HHATL: variants seen among roughly 807,000 people sequenced by gnomAD.
HHATL encodes the protein hedgehog acyltransferase like, also known as protein-cysteine N-palmitoyltransferase HHAT-like protein.
HHATL carries 49 observed loss-of-function variants against 59.7 expected under a neutral mutation model. That is an observed-to-expected ratio of 0.82 (90% CI 0.65 to 1.04). The LOEUF (loss-of-function observed/expected upper bound fraction) is 1.04. Ranked by LOEUF, HHATL falls within the 50% of genes least tolerant of loss-of-function variation. The pLI, the probability that HHATL is intolerant of heterozygous loss-of-function variation, is 0.00. For synonymous variants in HHATL, 238 were observed against 257.3 expected (o/e 0.93, Z 0.72); for missense variants, 605 against 650.8 (o/e 0.93, Z 0.77).
At position 42,696,856 on chromosome 3, in the gene HHATL, G is replaced by T. The variant is rs555576124; in HGVS notation, c.1032C>A (p.Asn344Lys). Residue 344 changes from asparagine (N) to lysine (K), a missense_variant, in exon 9 of 12, where the codon AAC (asparagine) becomes AAA (lysine). Asn to Lys is a moderately conservative substitution (Grantham distance 94). Transcript: ENST00000441594. ...CTCCTACTCACTTGCAAAGCCAGTC[G>T]TTGATGCCACGGTCAAAGTGCCTGT... ...FAETHFDRGI[N>K]DWLCKYVYNH... 6.2e-7 allele frequency: 1 copy of T among 1,614,102 alleles called. No homozygotes were observed. Among genetic ancestry groups the T allele is most frequent in the Non-Finnish European group, 8.5e-7 (1 of 1,179,998 alleles).
At chr3:42,694,671 T>A (rs1697524690) in intron 9 of HHATL, among the ~76,000 whole-genome samples, 2 of 152,216 alleles carry the variant, frequency 1.3e-5, no homozygotes, top group African/African-American at 4.8e-5. Flanking sequence ...TGGCCTTTCT[T>A]ACCTTTACAC....
At chr3:42,700,953 C>T in intron 1 of HHATL, 114 bp from the exon 2 acceptor site, 1 of 666,266 alleles carries the variant, frequency 1.5e-6, no homozygotes, top group Non-Finnish European at 2.7e-6. Flanking sequence ...CCCTCCAGCC[C>T]CTTGGGGACC....
intron 3 of HHATL, among the ~76,000 whole-genome samples, 177 bp downstream of exon 3, chr3:42,699,581 G>A (rs1183082482): frequency 6.6e-6 from 1 of 152,210 alleles, no homozygotes; most frequent in Non-Finnish European, 1.5e-5. Context: ...CAGGGCCCGG[G>A]CAAACTTGAT....
At chr3:42,699,214 C>T (rs1417451420) in intron 3 of HHATL, 69 bp from the exon 4 acceptor site, 1 of 1,076,134 alleles carries the variant, frequency 9.3e-7, no homozygotes. Context: ...CGAGCTGGAA[C>T]CTGGGCTGGT....
chr3:42,700,941 G>A lies in HHATL; in HGVS notation c.-13-102C>T. On this transcript the variant is annotated intron_variant, in intron 1 of 11. Coordinates refer to ENST00000441594, the MANE Select transcript of HHATL (RefSeq NM_020707.4). Reference sequence around the variant, plus strand: ...TGGGGACCCACTCTGAAGAGAGATTGCCCCTCCAGCCCCTTGGGGACCTTG... The same window carrying A: ...TGGGGACCCACTCTGAAGAGAGATTACCCCTCCAGCCCCTTGGGGACCTTG... The A allele has an allele frequency of 8.5e-6, 6 of 705,788 alleles. No homozygotes were observed. In the Admixed American group the frequency reaches 1.2e-4, roughly 14 times the overall value. The allele number at this position is 705,788 out of a possible 1,614,324, so 43.7% of individuals were successfully genotyped here. A position where few individuals can be genotyped will look rare whatever the true frequency, so the allele number is the denominator to read the frequency against.
At position 42,693,836 on chromosome 3, in the gene HHATL, G is replaced by A. The variant is rs373061828; in HGVS notation, c.1047-18C>T. The A allele has an allele frequency of 1.2e-5, 19 of 1,603,528 alleles. No individual in the cohort carries two copies. In the African/African-American group the frequency reaches 2.0e-4, roughly 17 times the overall value. On this transcript the variant is annotated intron_variant, in intron 9 of 11. Coordinates refer to ENST00000441594, the MANE Select transcript of HHATL (RefSeq NM_020707.4). ...ACACATATCTGCAGGAAAGATGGGA[G>A]AAGGGCCACTGGGAGTGTGGGAAAG...
At chr3:42,693,257 G>C in intron 10 of HHATL, 39 bp from the exon 11 acceptor site, 2 of 1,608,786 alleles carry the variant, frequency 1.2e-6, no homozygotes, top group Non-Finnish European at 1.7e-6. Context: ...GGGACAAGAG[G>C]CCAAAGGAAA....
Position 42,698,790 on chromosome 3 carries a change from A to G in HHATL, c.401T>C (p.Leu134Pro). The change falls in exon 5 of 12, where the codon CTT (leucine) becomes CCT (proline). Residue 134 changes from leucine to proline, a missense_variant. Transcript: ENST00000441594. Reference sequence around the variant, plus strand: ...AAGACAGAGCCAGGGCTGGCCCAAAAGCGAGGCCACATAGAGGCCCACACA... The same window carrying G: ...AAGACAGAGCCAGGGCTGGCCCAAAGGCGAGGCCACATAGAGGCCCACACA... ...GHCVGLYVAS[L>P]LGQPWLCLGL... is the part of the protein sequence containing the mutation. 6.2e-7 allele frequency: 1 copy of G among 1,613,160 alleles called. No individual in the cohort carries two copies. The highest frequency in any genetic ancestry group is 8.5e-7 in the Non-Finnish European group (1 of 1,179,726).
chr3:42,702,401 C>T (rs942322280), intron 1 of HHATL, among the ~76,000 whole-genome samples, 178 bp downstream of exon 1: 1 of 152,222 alleles, frequency 6.6e-6, no homozygotes, highest in South Asian at 2.1e-4. Context: ...TCCTGATAGA[C>T]CCCCAGACCA....
In HHATL at chr3:42,699,103, G is replaced by A. The variant is rs202051255; in HGVS notation, c.217C>T (p.Arg73Cys). ...FEWVMWFTSFRNVIIFALSGH... is the reference protein window; with the variant it reads ...FEWVMWFTSFCNVIIFALSGH... ...GAGAGGGCAAAGATGATGACGTTGC[G>A]AAAGGAGGTGAACCACATCACCCAC... Residue 73 changes from arginine (R) to cysteine (C), a missense_variant, in exon 4 of 12, where the codon CGC (arginine) becomes TGC (cysteine). Transcript: ENST00000441594. 8.3e-5 allele frequency: 134 copies of A among 1,614,062 alleles called. No individual in the cohort carries two copies. The highest frequency in any genetic ancestry group is 9.5e-5 in the Non-Finnish European group (112 of 1,179,984).
At position 42,697,440 on chromosome 3, in the gene HHATL, G is replaced by A. The variant is rs146631724; in HGVS notation, c.865+68C>T. The A allele has an allele frequency of 1.6e-3, 2,446 of 1,525,464 alleles. 33 individuals are homozygous for A. The African/African-American group carries it at 0.027, about 17-fold the overall frequency. The allele number at this position is 1,525,464 out of a possible 1,614,324, so 94.5% of individuals were successfully genotyped here. A position where few individuals can be genotyped will look rare whatever the true frequency, so the allele number is the denominator to read the frequency against. On this transcript the variant is annotated intron_variant, in intron 7 of 11. Coordinates refer to ENST00000441594, the MANE Select transcript of HHATL (RefSeq NM_020707.4). ...CCTCAGCTCCCCTGACTGTGGCACCGTGGGGGTGCAGAGGGTCTGTTTTCC... is the reference window on the plus strand; with the variant it reads ...CCTCAGCTCCCCTGACTGTGGCACCATGGGGGTGCAGAGGGTCTGTTTTCC...
At position 42,693,223 on chromosome 3, in the gene HHATL, C is replaced by G; in HGVS notation, c.1249-5G>C. The G allele has an allele frequency of 6.2e-7, 1 of 1,613,918 alleles. No homozygotes were observed. Among genetic ancestry groups the G allele is most frequent in the South Asian group, 1.1e-5 (1 of 91,074 alleles). On this transcript the variant is annotated splice_polypyrimidine_tract_variant and splice_region_variant and intron_variant, in intron 10 of 11. Transcript: ENST00000441594. ...CATCTGCACTGACAGAGAGGCCTAT[C>G]CGGTCCAGGAAAGCATGGGCAGCGG...
rs1034856087 is a variant in HHATL at position 42,697,679 on chromosome 3, C to T, written c.694G>A (p.Val232Met). The change falls in exon 7 of 12, where the codon GTG becomes ATG. Residue 232 changes from valine (V) to methionine (M), a missense_variant and splice_region_variant. Coordinates refer to ENST00000441594, the MANE Select transcript of HHATL (RefSeq NM_020707.4). Reference protein sequence around the residue: ...IMTFDRFHAQVSQVEPVRREG... With the variant: ...IMTFDRFHAQMSQVEPVRREG... The stretch of plus-strand genomic sequence containing the variant: ...CGTCTCACTGGCTCCACCTGGCTCA[C>T]CTGGGGGGATGCGAAGGGTCTGAGG... 6.2e-7 allele frequency: 1 copy of T among 1,612,712 alleles called. No individual in the cohort carries two copies. The highest frequency in any genetic ancestry group is 8.5e-7 in the Non-Finnish European group (1 of 1,179,008).
At chr3:42,693,898 G>C in intron 9 of HHATL, 80 bp from the exon 10 acceptor site, 2 of 1,199,868 alleles carry the variant, frequency 1.7e-6, no homozygotes, top group Non-Finnish European at 2.4e-6. Flanking sequence ...ACAACAGGGC[G>C]TCCTCCTCAA....
At chr3:42,693,933 C>T in intron 9 of HHATL, 115 bp from the exon 10 acceptor site, 3 of 814,764 alleles carry the variant, frequency 3.7e-6, no homozygotes, top group Non-Finnish European at 6.0e-6. Context: ...GTGCATTCAA[C>T]ATTCCTGACC....
At chr3:42,694,663 G>T (rs1183210178) in intron 9 of HHATL, among the ~76,000 whole-genome samples, 2 of 152,140 alleles carry the variant, frequency 1.3e-5, no homozygotes, top group Admixed American at 6.5e-5. Flanking sequence ...GGCCTCACTG[G>T]CCTTTCTTAC....
chr3:42,697,775 A>G (rs1461942101), intron 6 of HHATL, 96 bp from the exon 7 acceptor site: 5 of 1,310,238 alleles, frequency 3.8e-6, no homozygotes, highest in Non-Finnish European at 4.2e-6. Flanking sequence ...AGGAGGAGCC[A>G]TGGCTTTATC....
Position 42,693,765 on chromosome 3 carries a change from G to C in HHATL, c.1100C>G (p.Ala367Gly). Residue 367 changes from alanine (A) to glycine (G), a missense_variant, in exon 10 of 12, where the codon GCA becomes GGA. By Grantham distance (60) the Ala-to-Gly change is moderately conservative (BLOSUM62 0). Coordinates refer to ENST00000441594, the MANE Select transcript of HHATL (RefSeq NM_020707.4). ...GATGGCAAATGTGGCCACTGTGGCT[G>C]CCAGCTCTGGGATCACAGCGGAATG... ...GEHSAVIPEL[A>G]ATVATFAITT... 6.2e-7 allele frequency: 1 copy of C among 1,614,152 alleles called. No homozygotes were observed. Among genetic ancestry groups the C allele is most frequent in the South Asian group, 1.1e-5 (1 of 91,078 alleles).
Position 42,698,118 on chromosome 3 carries a change from G to GT in HHATL, c.693+23_693+24insA, listed in dbSNP as rs1276166707. ...AAAAGGGAGATTCAGCCCTGTTCTA[G>GT]AAGCCCACAGGGTGTCCCCTCACCT... On this transcript the variant is annotated intron_variant, in intron 6 of 11. Transcript: ENST00000441594. 1.9e-6 allele frequency: 3 copies of GT among 1,606,676 alleles called. No homozygotes were observed. The Admixed American group carries it at 5.0e-5, about 27-fold the overall frequency.
Sources: allele counts gnomAD v4.1 joint callset (sites outside exome capture counted in the v4.1 genomes callset), GRCh38; gene constraint gnomAD v4.1.1; transcripts MANE v1.5; gene names NCBI Gene and HGNC (gene_info 2026-07-23, HGNC 2026-07-21).